The following RC3H2 variants were observed in gnomAD, a reference collection of about 807,000 sequenced individuals.
RC3H2 encodes the protein ring finger and CCCH-type domains 2, also known as roquin-2.
In RC3H2, 31 loss-of-function variants were observed where a neutral mutation model predicts 133.3. The observed-to-expected ratio is 0.23, with a 90% confidence interval of 0.17 to 0.31. The LOEUF is 0.31. Among genes scored for constraint, RC3H2 ranks in the 10% least tolerant of loss-of-function variants. RC3H2 has a pLI of 1.00. For synonymous variants in RC3H2, 517 were observed against 502.2 expected (o/e 1.03, Z -0.40); for missense variants, 1,175 against 1,437.2 (o/e 0.82, Z 2.95).
In RC3H2 at chr9:122,854,228, T is replaced by A; in HGVS notation, c.2939A>T (p.Lys980Met). 2.5e-6 allele frequency: 4 copies of A among 1,613,922 alleles called. No homozygotes were observed. The highest frequency in any genetic ancestry group is 3.4e-6 in the Non-Finnish European group (4 of 1,179,934). Residue 980 changes from lysine to methionine, a missense_variant, in exon 17 of 21, where the codon AAG becomes ATG. Coordinates refer to ENST00000357244, the MANE Select transcript of RC3H2 (RefSeq NM_001100588.3). ...CAAAAGGTCCCCAGTACTGGAATGC[T>A]TTCTATGACCAGATAAATCAGTAAC... Reference protein sequence around the residue: ...FIVTDLSGHRKHSSTGDLLSL... With the variant: ...FIVTDLSGHRMHSSTGDLLSL...
intron 1 of RC3H2, among the ~76,000 whole-genome samples, chr9:122,900,054 TAAACTGTTTC>T (rs753082471): frequency 2.6e-5 from 4 of 152,216 alleles, no homozygotes; most frequent in Non-Finnish European, 5.9e-5. Flanking sequence ...TACACAGTTT[TAAACTGTTTC>T]AAACTATACC....
intron 4 of RC3H2, among the ~76,000 whole-genome samples, chr9:122,887,227 T>TA (rs1435772508): frequency 6.6e-6 from 1 of 152,198 alleles, no homozygotes; most frequent in Non-Finnish European, 1.5e-5. Flanking sequence ...TGAATTCAGC[T>TA]AAAAGAGGAA....
intron 1 of RC3H2, 108 bp downstream of exon 1, chr9:122,905,002 G>A (rs1198724052): frequency 2.5e-6 from 2 of 796,440 alleles, no homozygotes; most frequent in Non-Finnish European, 3.0e-6. Context: ...GAGGCACCAG[G>A]GGCGACAGCG....
intron 1 of RC3H2, among the ~76,000 whole-genome samples, chr9:122,902,184 G>C (rs1418245168): frequency 6.6e-6 from 1 of 152,082 alleles, no homozygotes; most frequent in Non-Finnish European, 1.5e-5. Flanking sequence ...ACCCGCCTCA[G>C]CCTTCCAAAG....
chr9:122,882,402 AAACATTTTTCTGTCTG>A (rs966155998), intron 5 of RC3H2, among the ~76,000 whole-genome samples: 2 of 152,238 alleles, frequency 1.3e-5, no homozygotes, highest in African/African-American at 4.8e-5. Context: ...TCTGCCAAAG[AAACATTTTTCTGTCTG>A]TACTATTTTC....
In RC3H2 at chr9:122,865,660, G is replaced by A; in HGVS notation, c.1326-3C>T. ...TCTTTTTGTTCCTTAATCGATACCT[G>A]TTTCAAAAACAATCAACAGATTGGT... On this transcript the variant is annotated splice_region_variant and splice_polypyrimidine_tract_variant and intron_variant, in intron 9 of 20. Transcript: ENST00000357244. 11 of 1,603,620 alleles carry A rather than the reference G, an allele frequency of 6.9e-6. No individual in the cohort carries two copies. Among genetic ancestry groups the A allele is most frequent in the Non-Finnish European group, 9.4e-6 (11 of 1,175,728 alleles).
intron 9 of RC3H2, among the ~76,000 whole-genome samples, chr9:122,871,461 C>A (rs1208407217): frequency 6.7e-6 from 1 of 149,234 alleles, no homozygotes; most frequent in Non-Finnish European, 1.5e-5. Context: ...CCAGGCCCGG[C>A]TAATTTTTTC....
At chr9:122,857,720 G>C (rs1157897117) in intron 13 of RC3H2, among the ~76,000 whole-genome samples, 2 of 152,176 alleles carry the variant, frequency 1.3e-5, no homozygotes, top group Admixed American at 6.5e-5. Context: ...TGAATTCTTA[G>C]TAAAGGACTA....
intron 9 of RC3H2, among the ~76,000 whole-genome samples, chr9:122,867,759 T>C (rs1458886345): frequency 1.1e-4 from 10 of 90,504 alleles, no homozygotes; most frequent in African/African-American, 4.7e-4. Flanking sequence ...AGCCGCCCCG[T>C]CTGAGAAGGG....
intron 1 of RC3H2, among the ~76,000 whole-genome samples, chr9:122,904,741 TAGG>T (rs1243198119): frequency 3.9e-5 from 6 of 152,252 alleles, no homozygotes; most frequent in East Asian, 3.9e-4. Context: ...GCTGAAAAGC[TAGG>T]AGAAGACTTG....
intron 18 of RC3H2, among the ~76,000 whole-genome samples, chr9:122,852,801 G>A (rs1344372706): frequency 6.6e-6 from 1 of 151,962 alleles, no homozygotes. Context: ...CATCCGGGAG[G>A]TGAGGGGCGC....
chr9:122,867,855 C>T (rs1262303497), intron 9 of RC3H2, among the ~76,000 whole-genome samples: 2 of 96,310 alleles, frequency 2.1e-5, no homozygotes, highest in African/African-American at 8.3e-5. Flanking sequence ...AAGTGAGGAG[C>T]GTCTCCGCCC....
intron 10 of RC3H2, 145 bp from the exon 11 acceptor site, chr9:122,860,276 A>G (rs1830407157): frequency 4.8e-6 from 3 of 626,886 alleles, no homozygotes; most frequent in Non-Finnish European, 5.6e-6. Flanking sequence ...AAGGCAATGA[A>G]TTTCACTGCC....
At position 122,883,186 on chromosome 9, in the gene RC3H2, T is replaced by C. The variant is rs777650223; in HGVS notation, c.759+18A>G. 1.1e-5 allele frequency: 18 copies of C among 1,606,806 alleles called. No individual in the cohort carries two copies. The highest frequency in any genetic ancestry group is 4.5e-5 in the East Asian group (2 of 44,654). On this transcript the variant is annotated intron_variant, in intron 5 of 20. Transcript: ENST00000357244. ...TCTCACAAACAGGCATGTCTTTACATAGATACTTACTGCTTACCTTAAAAC... is the reference window on the plus strand; with the variant it reads ...TCTCACAAACAGGCATGTCTTTACACAGATACTTACTGCTTACCTTAAAAC...
rs1466133593 is a variant in RC3H2 at position 122,866,360 on chromosome 9, T to C, written c.1326-703A>G. Among the ~76,000 whole-genome samples the C allele has an allele frequency of 2.0e-3, 18 of 9,184 alleles. No individual in the cohort carries two copies. In the East Asian group the frequency reaches 0.028, roughly 14 times the overall value. 6.0% of individuals were successfully genotyped at this position (9,184 alleles called of 152,430 possible). ...GATTCCATTTAAGAAAATGTCTCCC[T>C]CTCCCCCTCCCCCTCCCCCCTCCCT... On this transcript the variant is annotated intron_variant, in intron 9 of 20. Transcript: ENST00000357244.
At chr9:122,852,193 C>T (rs1238316256) in intron 18 of RC3H2, among the ~76,000 whole-genome samples, 5 of 151,776 alleles carry the variant, frequency 3.3e-5, no homozygotes, top group Non-Finnish European at 4.4e-5. Flanking sequence ...GCCGCCACCC[C>T]GTCTGGGAGG....
chr9:122,869,937 T>C (rs1265420350), intron 9 of RC3H2, among the ~76,000 whole-genome samples: 1 of 152,176 alleles, frequency 6.6e-6, no homozygotes, highest in Non-Finnish European at 1.5e-5. Flanking sequence ...AGCAGACCTA[T>C]ATTTCAGGAA....
In RC3H2 at chr9:122,897,470, A is replaced by G; in HGVS notation, c.40T>C (p.Cys14Arg). ...QAAQWTEFLS[C>R]PICYNEFDEN... ...TCAAATTCATTATAGCAGATTGGAC[A>G]GGACAGAAATTCTGTCCATTGAGCT... Residue 14 changes from cysteine (C) to arginine (R), a missense_variant, in exon 2 of 21, where the codon TGT (cysteine) becomes CGT (arginine). Physicochemically the swap from Cys to Arg is radical, Grantham distance 180. This residue lies in a region of RC3H2 where 41 missense variants were observed against 88.0 expected (regional missense o/e 0.47). Coordinates refer to ENST00000357244, the MANE Select transcript of RC3H2 (RefSeq NM_001100588.3). 1 of 1,614,144 alleles carries G rather than the reference A, an allele frequency of 6.2e-7. No individual in the cohort carries two copies. The highest frequency in any genetic ancestry group is 8.5e-7 in the Non-Finnish European group (1 of 1,179,976).
Position 122,846,611 on chromosome 9 carries a change from T to A in RC3H2, c.*3016A>T, listed in dbSNP as rs950008594. 1 of 151,866 alleles carries A rather than the reference T, an allele frequency of 6.6e-6. No individual in the cohort carries two copies. Among genetic ancestry groups the A allele is most frequent in the Non-Finnish European group, 1.5e-5 (1 of 67,916 alleles). The allele number at this position is 151,866 out of a possible 1,614,324, so 9.4% of individuals were successfully genotyped here. The stretch of plus-strand genomic sequence containing the variant: ...CAAAAACACAAAAAATGAAAGAAAA[T>A]AACCACCACTTTCCTGCTTTCCAGA... On this transcript the variant is annotated 3_prime_UTR_variant, in exon 21 of 21. Coordinates refer to ENST00000357244, the MANE Select transcript of RC3H2 (RefSeq NM_001100588.3).
Sources: allele counts gnomAD v4.1 joint callset (sites outside exome capture counted in the v4.1 genomes callset), GRCh38; gene constraint gnomAD v4.1.1; regional missense constraint gnomAD v4.1.1; transcripts MANE v1.5; gene names NCBI Gene and HGNC (gene_info 2026-07-23, HGNC 2026-07-21).